LY75: variants seen among roughly 807,000 people sequenced by gnomAD.
The protein encoded by LY75 is C-type lectin domain family 13 member B.
Under a neutral mutation model 231.7 loss-of-function variants are expected in LY75, and 185 were observed. The ratio of observed to expected loss-of-function variants is 0.80; its 90% CI spans 0.71 to 0.90. The LOEUF (loss-of-function observed/expected upper bound fraction) is 0.90. Ranked by LOEUF, LY75 falls within the 40% of genes least tolerant of loss-of-function variation. The probability of loss-of-function intolerance (pLI) is 0.00; values close to 1 mark genes in which losing one functional copy is unlikely to be tolerated. For synonymous variants in LY75, 668 were observed against 689.0 expected (o/e 0.97, Z 0.48); for missense variants, 1,947 against 2,050.2 (o/e 0.95, Z 0.97).
Position 159,904,578 on chromosome 2 carries a change from C to A in LY75, c.94+11G>T. 1 of 1,506,154 alleles carries A rather than the reference C, an allele frequency of 6.6e-7. No individual in the cohort carries two copies. The highest frequency in any genetic ancestry group is 8.8e-7 in the Non-Finnish European group (1 of 1,131,056). 93.3% of individuals were successfully genotyped at this position (1,506,154 alleles called of 1,614,324 possible). On this transcript the variant is annotated intron_variant, in intron 1 of 34. Transcript: ENST00000263636. ...CCCAGCGGACTGCGGGGCTGGCGTG[C>A]CCGCGGTTACCTGCGCGGCCAGAGG...
Position 159,841,326 on chromosome 2 carries a change from A to C in LY75, c.3281-371T>G, listed in dbSNP as rs189909735. 6.5e-3 allele frequency among the ~76,000 whole-genome samples: 989 copies of C among 152,310 alleles called. 10 individuals carry two copies. Among genetic ancestry groups the C allele is most frequent in the Non-Finnish European group, 7.6e-3 (518 of 68,028 alleles). On this transcript the variant is annotated intron_variant, in intron 24 of 34. Coordinates refer to ENST00000263636, the MANE Select transcript of LY75 (RefSeq NM_002349.4). ...GTTTTCACCTGGGAGAGCTAGCATG[A>C]AGAAATGTAAGAAACCATCCACAAG...
intron 15 of LY75, 117 bp downstream of exon 15, chr2:159,860,704 C>T: frequency 1.6e-6 from 2 of 1,233,720 alleles, no homozygotes; most frequent in African/African-American, 1.5e-5. Context: ...GTGCTTATCT[C>T]TCACTGCATC....
rs554590624 is a variant in LY75 at position 159,803,558 on chromosome 2, A to C, written c.*1486T>G. ...TAGACTATATAAAAACTGTCTTAGA[A>C]AATTATTTACAACTTTATCATAGTG... On this transcript the variant is annotated 3_prime_UTR_variant, in exon 35 of 35. Coordinates refer to ENST00000263636, the MANE Select transcript of LY75 (RefSeq NM_002349.4). The C allele has an allele frequency of 2.6e-5, 4 of 152,358 alleles. No individual in the cohort carries two copies. The South Asian group carries it at 8.3e-4, about 32-fold the overall frequency. 9.4% of individuals were successfully genotyped at this position (152,358 alleles called of 1,614,324 possible).
intron 3 of LY75, among the ~76,000 whole-genome samples, chr2:159,892,497 G>A (rs1685789881): frequency 1.3e-5 from 2 of 152,190 alleles, no homozygotes; most frequent in African/African-American, 4.8e-5. Flanking sequence ...TTGCTGTGAG[G>A]ACTGAATGAG....
In LY75 at chr2:159,803,577, CAT is replaced by C. The variant is rs1301464255; in HGVS notation, c.*1465_*1466del. 1 of 152,080 alleles carries C rather than the reference CAT, an allele frequency of 6.6e-6. No individual in the cohort carries two copies. The highest frequency in any genetic ancestry group is 2.4e-5 in the African/African-American group (1 of 41,412). The allele number at this position is 152,080 out of a possible 1,614,324, so 9.4% of individuals were successfully genotyped here. A position where few individuals can be genotyped will look rare whatever the true frequency, so the allele number is the denominator to read the frequency against. On this transcript the variant is annotated 3_prime_UTR_variant, in exon 35 of 35. Coordinates refer to ENST00000263636, the MANE Select transcript of LY75 (RefSeq NM_002349.4). ...CTTAGAAAATTATTTACAACTTTAT[CAT>C]AGTGTAAATACTCTAAATGTAAAAT...
At chr2:159,900,683 A>G (rs1448563975) in intron 1 of LY75, among the ~76,000 whole-genome samples, 1 of 152,244 alleles carries the variant, frequency 6.6e-6, no homozygotes, top group South Asian at 2.1e-4. Context: ...GAACTTTGGA[A>G]GGATTTTTTT....
intron 3 of LY75, 80 bp downstream of exon 3, chr2:159,893,834 C>T: frequency 6.8e-7 from 1 of 1,476,470 alleles, no homozygotes; most frequent in Non-Finnish European, 9.0e-7. Flanking sequence ...ACTTTTGAGT[C>T]ACTTTGAACT....
rs184394203 is a variant in LY75 at position 159,843,106 on chromosome 2, T to A, written c.3151-732A>T. 5.9e-5 allele frequency among the ~76,000 whole-genome samples: 9 copies of A among 152,068 alleles called. No homozygotes were observed. In the East Asian group the frequency reaches 1.2e-3, roughly 20 times the overall value. ...ATTATTAAATATATTCTCTTTTTTT[T>A]AAAGGAAATATGAACTGAATTCAAT... On this transcript the variant is annotated intron_variant, in intron 23 of 34. Coordinates refer to ENST00000263636, the MANE Select transcript of LY75 (RefSeq NM_002349.4).
intron 30 of LY75, among the ~76,000 whole-genome samples, chr2:159,815,776 T>A (rs1280750006): frequency 6.6e-6 from 1 of 152,232 alleles, no homozygotes; most frequent in Non-Finnish European, 1.5e-5. Context: ...ATACAGTTTA[T>A]GGAGAACTTT....
At chr2:159,859,371 T>A (rs1684632079) in intron 15 of LY75, among the ~76,000 whole-genome samples, 2 of 152,236 alleles carry the variant, frequency 1.3e-5, no homozygotes. Flanking sequence ...AGCCACCTTG[T>A]TGAATCTCTT....
At chr2:159,858,516 T>C in intron 15 of LY75, 40 bp from the exon 16 acceptor site, 3 of 1,583,208 alleles carry the variant, frequency 1.9e-6, no homozygotes, top group Non-Finnish European at 2.6e-6. Context: ...TTGAAGTTGA[T>C]ACATCCCTTA....
chr2:159,848,534 C>G (rs138652548), intron 23 of LY75, among the ~76,000 whole-genome samples: 1 of 152,112 alleles, frequency 6.6e-6, no homozygotes, highest in African/African-American at 2.4e-5. Context: ...CCAAACACCA[C>G]CTGTTCCCCA....
chr2:159,815,304 G>T, intron 31 of LY75, 101 bp downstream of exon 31: 1 of 1,424,362 alleles, frequency 7.0e-7, no homozygotes, highest in Non-Finnish European at 9.3e-7. Context: ...CCCGGCCCTT[G>T]TGAATAAATC....
intron 23 of LY75, among the ~76,000 whole-genome samples, chr2:159,848,718 A>G (rs1386077957): frequency 3.3e-5 from 5 of 152,186 alleles, no homozygotes; most frequent in African/African-American, 1.2e-4. Flanking sequence ...ACTCATTGTA[A>G]TTCCCTAGTC....
intron 1 of LY75, among the ~76,000 whole-genome samples, chr2:159,901,220 A>C (rs1196483812): frequency 2.0e-5 from 3 of 152,166 alleles, no homozygotes; most frequent in Non-Finnish European, 4.4e-5. Context: ...GTCAACAAAA[A>C]AGGAAAATGT....
chr2:159,819,479 C>A (rs1683221520), intron 29 of LY75, among the ~76,000 whole-genome samples: 1 of 151,918 alleles, frequency 6.6e-6, no homozygotes, highest in African/African-American at 2.4e-5. Flanking sequence ...ATCAATTAAT[C>A]TAAGACCAAT....
Position 159,885,294 on chromosome 2 carries a change from CT to C in LY75, c.914-2del, listed in dbSNP as rs751941863. 8.1e-6 allele frequency: 13 copies of C among 1,610,518 alleles called. No homozygotes were observed. Among genetic ancestry groups the C allele is most frequent in the Non-Finnish European group, 1.0e-5 (12 of 1,178,262 alleles). ...CCTATAGTAGGTGCACTGGGCCTGT[CT>C]TAAAAGGGAACATTTTTCAAAGCAT... On this transcript the variant is annotated splice_acceptor_variant, in intron 5 of 34. Transcript: ENST00000263636. LOFTEE classifies it high-confidence loss of function.
chr2:159,877,009 C>CAAAAAAAAAAAAAA (rs58831835), intron 11 of LY75, among the ~76,000 whole-genome samples: 97 of 90,496 alleles, frequency 1.1e-3, no homozygotes, highest in East Asian at 2.7e-3. Flanking sequence ...AACTCCATCT[C>CAAAAAAAAAAAAAA]AAAAAAAAAA....
At chr2:159,821,987 G>A (rs1386960252) in intron 28 of LY75, among the ~76,000 whole-genome samples, 2 of 152,172 alleles carry the variant, frequency 1.3e-5, no homozygotes, top group Admixed American at 1.3e-4. Context: ...CTGAGCCTGA[G>A]GAACTCTGGC....
Sources: allele counts gnomAD v4.1 joint callset (sites outside exome capture counted in the v4.1 genomes callset), GRCh38; gene constraint gnomAD v4.1.1; transcripts MANE v1.5; gene names NCBI Gene and HGNC (gene_info 2026-07-23, HGNC 2026-07-21).